LRRC38: variants seen among roughly 807,000 people sequenced by gnomAD.
LRRC38 encodes the protein leucine-rich repeat-containing protein 38.
In LRRC38, 5 loss-of-function variants were observed where a neutral mutation model predicts 16.4. The ratio of observed to expected loss-of-function variants is 0.31; its 90% confidence interval spans 0.16 to 0.64. The LOEUF (loss-of-function observed/expected upper bound fraction) is 0.64. Among genes scored for constraint, LRRC38 ranks in the 30% least tolerant of loss-of-function variants. The pLI, the probability that LRRC38 is intolerant of heterozygous loss-of-function variation, is 0.80. For synonymous variants in LRRC38, 191 were observed against 190.2 expected, an observed-to-expected ratio of 1.00 and a Z score of -0.04; for missense variants, 341 against 401.8, an observed-to-expected ratio of 0.85 and a Z score of 1.29.
chr1:13,488,276 T>G (rs1002728841), intron 1 of LRRC38, among the ~76,000 whole-genome samples: 1 of 151,722 alleles, frequency 6.6e-6, no homozygotes, highest in African/African-American at 2.4e-5. Context: ...CTTTTTTTTT[T>G]TTTTTTGTCT....
At position 13,501,184 on chromosome 1, in the gene LRRC38, CT is replaced by C. The variant is rs1189892951; in HGVS notation, c.631+11778del. Among the ~76,000 whole-genome samples, 3 of 151,722 alleles carry C rather than the reference CT, an allele frequency of 2.0e-5. No homozygotes were observed. In the East Asian group the frequency reaches 5.8e-4, roughly 29 times the overall value. On this transcript the variant is annotated intron_variant, in intron 1 of 1. Transcript: ENST00000376085. ...ATATACGCATATATATTAGTATATA[CT>C]AAATAGTATGTGGCATGCTAATATA... is the stretch of plus-strand genomic sequence containing the variant.
At position 13,513,077 on chromosome 1, in the gene LRRC38, C is replaced by T; in HGVS notation, c.517G>A (p.Ala173Thr). 1 of 1,550,034 alleles carries T rather than the reference C, an allele frequency of 6.5e-7. No individual in the cohort carries two copies. Among genetic ancestry groups the T allele is most frequent in the Non-Finnish European group, 8.7e-7 (1 of 1,146,714 alleles). The change falls in exon 1 of 2, where the codon GCC becomes ACC. Residue 173 changes from alanine (A) to threonine (T), a missense_variant. Coordinates refer to ENST00000376085, the MANE Select transcript of LRRC38 (RefSeq NM_001010847.2). ...AGGGAGCGCAGCGCGGGCAGCGCGG[C>T]CAGGGCGGCCACGCTGAGGCTGCGC... ...NLRSLSVAAL[A>T]ALPALRSLRL... is the part of the protein sequence containing the mutation.
At chr1:13,504,760 AG>A in intron 1 of LRRC38, among the ~76,000 whole-genome samples, 6 of 36,040 alleles carry the variant, frequency 1.7e-4, no homozygotes, top group African/African-American at 5.5e-4. Context: ...AGGGGAGGGG[AG>A]GGGAAGGGAG....
intron 1 of LRRC38, among the ~76,000 whole-genome samples, chr1:13,497,005 G>A (rs2100510657): frequency 6.6e-6 from 1 of 152,246 alleles, no homozygotes; most frequent in Non-Finnish European, 1.5e-5. Context: ...AGGCCCTGAG[G>A]TAAGAAGGTA....
chr1:13,481,770 TCCCTCTCTCCCTCTCTCC>T (rs1411197832), intron 1 of LRRC38, among the ~76,000 whole-genome samples: 2,432 of 37,512 alleles, frequency 0.065, 84 homozygotes, highest in African/African-American at 0.13. Context: ...TCCCTCTCTC[TCCCTCTCTCCCTCTCTCC>T]CTCTCTCTCT....
chr1:13,475,757 T>C lies in LRRC38; in HGVS notation c.*89A>G. On this transcript the variant is annotated 3_prime_UTR_variant, in exon 2 of 2. Coordinates refer to ENST00000376085, the MANE Select transcript of LRRC38 (RefSeq NM_001010847.2). The surrounding 1 kb of genome is among the most constrained non-coding windows in gnomAD (Gnocchi z 4.3). ...TGTTCAGTTCACAGATGGTGGCCAG[T>C]GCTTTTCCATTTTCAGCATTTCCCT... 2.0e-6 allele frequency: 3 copies of C among 1,486,706 alleles called. No homozygotes were observed. The South Asian group carries it at 4.0e-5, about 20-fold the overall frequency. 92.1% of individuals were successfully genotyped at this position (1,486,706 alleles called of 1,614,324 possible).
intron 1 of LRRC38, among the ~76,000 whole-genome samples, chr1:13,498,116 G>A (rs1017846676): frequency 6.6e-5 from 10 of 151,960 alleles, no homozygotes; most frequent in African/African-American, 2.2e-4. Context: ...CTATCAGGAC[G>A]CGCAGCCCAA....
At chr1:13,482,166 C>A (rs1361060630) in intron 1 of LRRC38, among the ~76,000 whole-genome samples, 1 of 152,042 alleles carries the variant, frequency 6.6e-6, no homozygotes, top group East Asian at 1.9e-4. Flanking sequence ...GGAAGGAAGG[C>A]AGGGAGAGTG....
intron 1 of LRRC38, among the ~76,000 whole-genome samples, chr1:13,497,093 G>A (rs568030266): frequency 7.2e-5 from 11 of 152,222 alleles, no homozygotes; most frequent in South Asian, 4.1e-4. Context: ...CAAGAAATTC[G>A]GTCAGAAAGG....
intron 1 of LRRC38, among the ~76,000 whole-genome samples, chr1:13,485,057 C>T (rs1186569115): frequency 6.6e-6 from 1 of 151,162 alleles, no homozygotes; most frequent in Admixed American, 6.6e-5. Context: ...GCAGGGGGAT[C>T]GCCTGAGGTC....
At chr1:13,501,154 GA>G (rs1569932870) in intron 1 of LRRC38, among the ~76,000 whole-genome samples, 1 of 151,894 alleles carries the variant, frequency 6.6e-6, no homozygotes, top group East Asian at 1.9e-4. Flanking sequence ...TACTAATATA[GA>G]TATATATACG....
intron 1 of LRRC38, among the ~76,000 whole-genome samples, chr1:13,506,003 A>G (rs972456956): frequency 5.5e-5 from 8 of 144,838 alleles, no homozygotes; most frequent in Admixed American, 1.4e-4. Context: ...AGGTTTCCAA[A>G]TATGCCCTGT....
intron 1 of LRRC38, among the ~76,000 whole-genome samples, chr1:13,483,692 G>T (rs539295874): frequency 6.6e-6 from 1 of 152,204 alleles, no homozygotes; most frequent in South Asian, 2.1e-4. Context: ...TGTGACCCTG[G>T]GCCAGGCCCA....
intron 1 of LRRC38, among the ~76,000 whole-genome samples, chr1:13,482,953 G>C (rs142057922): frequency 4.3e-4 from 66 of 152,160 alleles, no homozygotes; most frequent in Middle Eastern, 3.4e-3. Context: ...GCACAGAGAG[G>C]GCAAGTGACT....
chr1:13,491,961 C>A (rs1639018158), intron 1 of LRRC38, among the ~76,000 whole-genome samples: 1 of 152,150 alleles, frequency 6.6e-6, no homozygotes, highest in South Asian at 2.1e-4. Flanking sequence ...CAGGTGTGAG[C>A]CCCAGCGCCC....
At chr1:13,500,549 T>A (rs1639136042) in intron 1 of LRRC38, among the ~76,000 whole-genome samples, 1 of 152,148 alleles carries the variant, frequency 6.6e-6, no homozygotes, top group Non-Finnish European at 1.5e-5. Context: ...GGAGGCCCCC[T>A]CCCCACTTCA....
intron 1 of LRRC38, among the ~76,000 whole-genome samples, chr1:13,488,032 T>TTGTGTG (rs71570140): frequency 0.022 from 3,270 of 147,148 alleles, 66 homozygotes; most frequent in African/African-American, 0.05. Context: ...TTGTGTGTGT[T>TTGTGTG]TGTGTGTGTG....
chr1:13,475,953 T>C lies in LRRC38; in HGVS notation c.778A>G (p.Ile260Val), dbSNP rs1557492950. ...AAGAAGCTGGAGATGATGGCCGCAATGGACACGGCCACACCGGAGAAAATG... is the reference window on the plus strand; with the variant it reads ...AAGAAGCTGGAGATGATGGCCGCAACGGACACGGCCACACCGGAGAAAATG... Reference protein sequence around the residue: ...IIIFSGVAVSIAAIISSFFLA... With the variant: ...IIIFSGVAVSVAAIISSFFLA... The change falls in exon 2 of 2, where the codon ATT becomes GTT. Residue 260 changes from isoleucine to valine, a missense_variant. Physicochemically the swap from Ile to Val is conservative, Grantham distance 29. Transcript: ENST00000376085. This position sits in a 1 kb window ranked among gnomAD's most constrained non-coding sequence, Gnocchi z 4.3. The C allele has an allele frequency of 1.3e-6, 2 of 1,550,504 alleles. No homozygotes were observed. The highest frequency in any genetic ancestry group is 3.9e-5 in the Admixed American group (2 of 50,990).
chr1:13,496,453 G>A (rs985367392), intron 1 of LRRC38, among the ~76,000 whole-genome samples: 5 of 152,074 alleles, frequency 3.3e-5, no homozygotes, highest in Non-Finnish European at 4.4e-5. Flanking sequence ...ATTACAGGCT[G>A]AGCCACCTTG....
Sources: allele counts gnomAD v4.1 joint callset (sites outside exome capture counted in the v4.1 genomes callset), GRCh38; gene constraint gnomAD v4.1.1; non-coding constraint Gnocchi (gnomAD v3.1); transcripts MANE v1.5; gene names NCBI Gene and HGNC (gene_info 2026-07-23, HGNC 2026-07-21).